The following PDZD2 variants were observed in gnomAD, a reference collection of about 807,000 sequenced individuals.
PDZD2 encodes the protein PDZ domain-containing protein 2.
In PDZD2, 90 loss-of-function variants were observed where a neutral mutation model predicts 220.7. The ratio of observed to expected loss-of-function variants is 0.41; its 90% CI spans 0.34 to 0.49. PDZD2 has a LOEUF of 0.49. Among genes scored for constraint, PDZD2 ranks in the 20% least tolerant of loss-of-function variants. PDZD2 has a pLI of 0.28. For synonymous variants in PDZD2, 1,375 were observed against 1,450.5 expected (o/e 0.95, Z 1.18); for missense variants, 3,174 against 3,608.5 (o/e 0.88, Z 3.08).
intron 1 of PDZD2, among the ~76,000 whole-genome samples, chr5:31,766,712 T>C (rs1393334719): frequency 6.7e-6 from 1 of 150,276 alleles, no homozygotes; most frequent in Non-Finnish European, 1.5e-5. Context: ...TCATAAGTTC[T>C]TTTTTAAACC....
intron 1 of PDZD2, among the ~76,000 whole-genome samples, chr5:31,665,294 T>C (rs989564815): frequency 1.3e-5 from 2 of 152,190 alleles, no homozygotes; most frequent in Non-Finnish European, 2.9e-5. Context: ...CCTGGAATTT[T>C]TCTCCCACTT....
chr5:31,925,204 C>A (rs62363764), intron 2 of PDZD2, among the ~76,000 whole-genome samples: 18,490 of 152,156 alleles, frequency 0.12, 1,763 homozygotes, highest in African/African-American at 0.26. Context: ...ACATTACCTG[C>A]CTTCAGACTA....
At chr5:32,076,726 T>A (rs1741340124) in intron 18 of PDZD2, among the ~76,000 whole-genome samples, 1 of 152,236 alleles carries the variant, frequency 6.6e-6, no homozygotes, top group South Asian at 2.1e-4. Context: ...CTCTGTCTAG[T>A]TCTGAAACTC....
rs548510700 is a variant in PDZD2, at chr5:31,793,967, G to A, written c.-360-4922G>A. On this transcript the variant is annotated intron_variant, in intron 1 of 24. Transcript: ENST00000438447. ...TGGAAATTCAGGCTGTGATTTCAGC[G>A]TGCTCATTCTGTGCAAACTCCAGGT... Among the ~76,000 whole-genome samples the A allele has an allele frequency of 5.3e-5, 8 of 152,190 alleles. No homozygotes were observed. In the East Asian group the frequency reaches 5.8e-4, roughly 11 times the overall value.
chr5:31,689,353 A>ATATATATATTTTTTTTTTCTTT, intron 1 of PDZD2, among the ~76,000 whole-genome samples: 2 of 35,138 alleles, frequency 5.7e-5, no homozygotes, highest in East Asian at 1.8e-3. Context: ...ATATATATAT[A>ATATATATATTTTTTTTTTCTTT]TTTTTTTTTT....
chr5:31,912,491 A>G (rs1052445007), intron 2 of PDZD2, among the ~76,000 whole-genome samples: 2 of 152,334 alleles, frequency 1.3e-5, no homozygotes, highest in East Asian at 3.9e-4. Flanking sequence ...GATTCAGACC[A>G]TAGCAGATGG....
At chr5:31,705,517 A>G (rs901117345) in intron 1 of PDZD2, among the ~76,000 whole-genome samples, 1 of 152,220 alleles carries the variant, frequency 6.6e-6, no homozygotes, top group Non-Finnish European at 1.5e-5. Flanking sequence ...GGTATTTTAT[A>G]CATATCATCT....
In PDZD2 at chr5:31,948,407, C is replaced by G. The variant is rs188747793; in HGVS notation, c.477-34748C>G. Reference sequence around the variant, plus strand: ...CTTGTTTTCCAGACTAGATTAAGAACCAGACAGATTTTAATATCTGTAAAG... The same window carrying G: ...CTTGTTTTCCAGACTAGATTAAGAAGCAGACAGATTTTAATATCTGTAAAG... On this transcript the variant is annotated intron_variant, in intron 2 of 24. Coordinates refer to ENST00000438447, the MANE Select transcript of PDZD2 (RefSeq NM_178140.4). Among the ~76,000 whole-genome samples, 418 of 152,248 alleles carry G rather than the reference C, an allele frequency of 2.7e-3. 1 individual carries two copies. Among genetic ancestry groups the G allele is most frequent in the African/African-American group, 9.8e-3 (406 of 41,542 alleles).
chr5:31,691,929 T>G (rs1482222067), intron 1 of PDZD2, among the ~76,000 whole-genome samples: 2 of 152,238 alleles, frequency 1.3e-5, no homozygotes, highest in African/African-American at 4.8e-5. Flanking sequence ...CCCACCAGAC[T>G]CAGGAGCCCA....
chr5:31,833,658 A>AGAG (rs1554081045), intron 2 of PDZD2, among the ~76,000 whole-genome samples: 1 of 145,726 alleles, frequency 6.9e-6, no homozygotes, highest in Non-Finnish European at 1.5e-5. Context: ...AAAGAAAAGA[A>AGAG]AAGAAAAAAG....
intron 6 of PDZD2, among the ~76,000 whole-genome samples, chr5:32,028,836 C>CCA (rs1313637791): frequency 6.6e-6 from 1 of 152,010 alleles, no homozygotes; most frequent in East Asian, 1.9e-4. Flanking sequence ...ACATGTGCCA[C>CCA]CACACCCAGC....
intron 2 of PDZD2, among the ~76,000 whole-genome samples, chr5:31,932,135 A>C (rs1745350752): frequency 6.6e-6 from 1 of 152,184 alleles, no homozygotes; most frequent in African/African-American, 2.4e-5. Flanking sequence ...GGGGAGAAGG[A>C]AATGTTAGTG....
At chr5:31,792,888 G>T (rs1021382209) in intron 1 of PDZD2, among the ~76,000 whole-genome samples, 4 of 151,890 alleles carry the variant, frequency 2.6e-5, no homozygotes, top group African/African-American at 7.3e-5. Flanking sequence ...GCCCAGGCTG[G>T]AGTGCAGTGG....
chr5:31,662,668 A>C (rs546904794), intron 1 of PDZD2, among the ~76,000 whole-genome samples: 15 of 152,150 alleles, frequency 9.9e-5, no homozygotes, highest in East Asian at 9.7e-4. Context: ...CTGGCTCTGT[A>C]GCCCAGGATG....
chr5:31,911,218 C>T (rs898503599), intron 2 of PDZD2, among the ~76,000 whole-genome samples: 2 of 152,214 alleles, frequency 1.3e-5, no homozygotes, highest in Non-Finnish European at 2.9e-5. Context: ...GAAACAACTG[C>T]TGGTCACTAG....
intron 1 of PDZD2, among the ~76,000 whole-genome samples, chr5:31,721,741 C>CAA (rs11368533): frequency 0.012 from 1,784 of 147,940 alleles, 24 homozygotes; most frequent in African/African-American, 0.025. Flanking sequence ...TTAGCTGTCT[C>CAA]AAAAAAAAAA....
intron 14 of PDZD2, among the ~76,000 whole-genome samples, chr5:32,064,763 T>C (rs1180651233): frequency 6.6e-6 from 1 of 150,726 alleles, no homozygotes; most frequent in African/African-American, 2.4e-5. Context: ...AGGTCAGGAG[T>C]TTGAGACCAG....
intron 23 of PDZD2, chr5:32,099,518 G>C (rs1400153486): frequency 6.6e-6 from 1 of 152,308 alleles, no homozygotes; most frequent in Non-Finnish European, 1.5e-5. Flanking sequence ...ATGGTCCCCA[G>C]TCTTCCTTCT....
intron 1 of PDZD2, among the ~76,000 whole-genome samples, chr5:31,787,065 G>A (rs1397489091): frequency 6.6e-6 from 1 of 152,174 alleles, no homozygotes; most frequent in Non-Finnish European, 1.5e-5. Flanking sequence ...TGAATGAGTG[G>A]GTTGGTAGTA....
Sources: allele counts gnomAD v4.1 joint callset (sites outside exome capture counted in the v4.1 genomes callset), GRCh38; gene constraint gnomAD v4.1.1; transcripts MANE v1.5; gene names NCBI Gene and HGNC (gene_info 2026-07-23, HGNC 2026-07-21).